Variants in ZWILCH observed in about 807,000 individuals in gnomAD.
The protein encoded by ZWILCH is zwilch kinetochore protein, also known as protein zwilch homolog.
A neutral mutation model predicts 79.9 loss-of-function variants in ZWILCH; 74 were observed. The observed-to-expected ratio is 0.93, with a 90% CI of 0.77 to 1.12. The LOEUF (loss-of-function observed/expected upper bound fraction) is 1.12, where lower values mean the gene tolerates loss of function less well. ZWILCH is among the 50% of genes most tolerant of loss of function. The pLI is 0.00. For missense variants in ZWILCH, 694 were observed against 687.5 expected, an observed-to-expected ratio of 1.01 and a Z score of -0.11; for synonymous variants, 241 against 228.2, an observed-to-expected ratio of 1.06 and a Z score of -0.51.
chr15:66,548,299 G>GTTT, intron 18 of ZWILCH, 52 bp from the exon 19 acceptor site: 1 of 350,464 alleles, frequency 2.9e-6, no homozygotes, highest in South Asian at 7.6e-5. Flanking sequence ...GATTACAAGT[G>GTTT]TTTTTTTTTT....
chr15:66,509,930 A>C (rs1893991985), intron 2 of ZWILCH, among the ~76,000 whole-genome samples: 1 of 145,238 alleles, frequency 6.9e-6, no homozygotes, highest in African/African-American at 2.5e-5. Flanking sequence ...TAATCGCAGC[A>C]CTTTGGGAGG....
rs371995606 is a variant in ZWILCH, at chr15:66,505,329, T to C, written c.-10T>C. The C allele has an allele frequency of 1.7e-5, 27 of 1,613,480 alleles. No individual in the cohort carries two copies. Among genetic ancestry groups the C allele is most frequent in the Middle Eastern group, 1.6e-4 (1 of 6,080 alleles). On this transcript the variant is annotated 5_prime_UTR_variant, in exon 1 of 19. Coordinates refer to ENST00000307897, the MANE Select transcript of ZWILCH (RefSeq NM_017975.5). ...TGGCGGTTCCGGTACCGCTCTCACA[T>C]TGGGGCGGGATGTGGGAGCGGCTGA...
intron 1 of ZWILCH, among the ~76,000 whole-genome samples, chr15:66,507,533 G>A (rs1195586539): frequency 6.6e-6 from 1 of 152,122 alleles, no homozygotes; most frequent in African/African-American, 2.4e-5. Context: ...TCAGGTTAAA[G>A]TTTAAGCCCT....
intron 8 of ZWILCH, among the ~76,000 whole-genome samples, chr15:66,525,017 A>G (rs2140774693): frequency 6.6e-6 from 1 of 151,994 alleles, no homozygotes; most frequent in East Asian, 1.9e-4. Flanking sequence ...ACTTCCACCA[A>G]ATTATTTCCC....
intron 3 of ZWILCH, among the ~76,000 whole-genome samples, chr15:66,514,871 A>G (rs1368040964): frequency 6.6e-6 from 1 of 152,208 alleles, no homozygotes; most frequent in East Asian, 1.9e-4. Flanking sequence ...CTGTTTTGAG[A>G]GTGAAAAATC....
Position 66,515,640 on chromosome 15 carries a change from G to A in ZWILCH, c.316G>A (p.Ala106Thr). 1.2e-6 allele frequency: 2 copies of A among 1,609,192 alleles called. No homozygotes were observed. Among genetic ancestry groups the A allele is most frequent in the South Asian group, 1.1e-5 (1 of 90,688 alleles). ...ACCACTTGCTTTACCAGTTGGGAAG[G>A]CAAGGTAGGTTTTCTCTTATGCTGA... is the stretch of plus-strand genomic sequence containing the variant. ...VGPLALPVGK[A>T]RQLIGLYTMA... Residue 106 changes from alanine to threonine, a missense_variant, in exon 4 of 19, where the codon GCA becomes ACA. By Grantham distance (58) the Ala-to-Thr change is moderately conservative. Transcript: ENST00000307897.
At chr15:66,541,017 C>T (rs554282448) in intron 17 of ZWILCH, among the ~76,000 whole-genome samples, 30 of 151,490 alleles carry the variant, frequency 2.0e-4, no homozygotes, top group African/African-American at 7.0e-4. Flanking sequence ...GTGGTTCGAG[C>T]CTGTAATCCC....
chr15:66,550,073 G>T lies in ZWILCH; in HGVS notation c.*1749G>T. The T allele has an allele frequency of 6.2e-7, 1 of 1,605,860 alleles. No individual in the cohort carries two copies. Reference sequence around the variant, plus strand: ...AAGCATCTGATTGTTGATAGAGCAAGTTTCCAAAGCTTTGAGGTACCAACT... The same window carrying T: ...AAGCATCTGATTGTTGATAGAGCAATTTTCCAAAGCTTTGAGGTACCAACT... On this transcript the variant is annotated 3_prime_UTR_variant, in exon 19 of 19. Coordinates refer to ENST00000307897, the MANE Select transcript of ZWILCH (RefSeq NM_017975.5).
intron 6 of ZWILCH, 35 bp downstream of exon 6, chr15:66,520,695 C>T (rs1289046718): frequency 7.2e-7 from 1 of 1,384,530 alleles, no homozygotes; most frequent in Middle Eastern, 1.8e-4. Context: ...TTATTTTCTT[C>T]AAATTGTTGT....
intron 11 of ZWILCH, among the ~76,000 whole-genome samples, 174 bp downstream of exon 11, chr15:66,529,131 C>G (rs1489410653): frequency 6.6e-6 from 1 of 152,104 alleles, no homozygotes; most frequent in Non-Finnish European, 1.5e-5. Flanking sequence ...TGTACTAAGA[C>G]AAAGTAATTT....
At chr15:66,510,394 A>G (rs1042093443) in intron 2 of ZWILCH, among the ~76,000 whole-genome samples, 189 of 149,522 alleles carry the variant, frequency 1.3e-3, no homozygotes, top group African/African-American at 4.3e-3. Flanking sequence ...CAAAAAAAAA[A>G]AAAAATATCA....
At chr15:66,510,677 T>C (rs1894025798) in intron 2 of ZWILCH, among the ~76,000 whole-genome samples, 1 of 152,220 alleles carries the variant, frequency 6.6e-6, no homozygotes, top group South Asian at 2.1e-4. Context: ...TTCTGGAGAC[T>C]AAAATTCTGA....
At chr15:66,528,248 T>C (rs1332821901) in intron 10 of ZWILCH, among the ~76,000 whole-genome samples, 2 of 152,132 alleles carry the variant, frequency 1.3e-5, no homozygotes, top group Non-Finnish European at 2.9e-5. Context: ...GGACTACTGG[T>C]GTGCACCACC....
In ZWILCH at chr15:66,520,641, A is replaced by G; in HGVS notation, c.572A>G (p.Lys191Arg). 1 of 1,556,564 alleles carries G rather than the reference A, an allele frequency of 6.4e-7. No homozygotes were observed. Among genetic ancestry groups the G allele is most frequent in the Non-Finnish European group, 8.8e-7 (1 of 1,132,792 alleles). ...GAAAACCTAAAAAATTTACACAAGA[A>G]AAGACATCACTTGTCTACTGTAAGT... is the stretch of plus-strand genomic sequence containing the variant. ...NLENLKNLHK[K>R]RHHLSTVTSK... Residue 191 changes from lysine (K) to arginine (R), a missense_variant, in exon 6 of 19, where the codon AAA becomes AGA. Transcript: ENST00000307897.
intron 15 of ZWILCH, 68 bp from the exon 16 acceptor site, chr15:66,537,100 A>G: frequency 8.0e-7 from 1 of 1,249,644 alleles, no homozygotes; most frequent in Non-Finnish European, 1.2e-6. Context: ...TACGAGCTTT[A>G]GACTACCAGA....
In ZWILCH at chr15:66,546,607, A is replaced by G. The variant is rs778240303; in HGVS notation, c.1704A>G (p.Thr568=). ...NFHKPDFSEL[T]LNGSLEERIF... Reference sequence around the variant, plus strand: ...TGATTACAGATTTTTCGGAATTAACACTAAACGGTAGCCTGGAAGAAAGGA... The same window carrying G: ...TGATTACAGATTTTTCGGAATTAACGCTAAACGGTAGCCTGGAAGAAAGGA... The change falls in exon 18 of 19, where the codon ACA becomes ACG. Residue 568 remains threonine, a synonymous_variant. Transcript: ENST00000307897. 1 of 1,607,352 alleles carries G rather than the reference A, an allele frequency of 6.2e-7. No individual in the cohort carries two copies. The highest frequency in any genetic ancestry group is 8.5e-7 in the Non-Finnish European group (1 of 1,177,396).
In ZWILCH at chr15:66,540,684, A is replaced by G. The variant is rs1457638305; in HGVS notation, c.1687+474A>G. On this transcript the variant is annotated intron_variant, in intron 17 of 18. Transcript: ENST00000307897. ...CCCCCTGTCGCCCAGGCTGGAGTGCAGTGGCACCATCTCAGCTCACTGCAG... is the reference window on the plus strand; with the variant it reads ...CCCCCTGTCGCCCAGGCTGGAGTGCGGTGGCACCATCTCAGCTCACTGCAG... Among the ~76,000 whole-genome samples the G allele has an allele frequency of 2.7e-5, 4 of 148,448 alleles. No individual in the cohort carries two copies. The South Asian group carries it at 6.5e-4, about 24-fold the overall frequency.
Position 66,514,036 on chromosome 15 carries a change from A to G in ZWILCH, c.154A>G (p.Lys52Glu). 1.2e-6 allele frequency: 2 copies of G among 1,612,620 alleles called. No homozygotes were observed. Among genetic ancestry groups the G allele is most frequent in the African/African-American group, 2.7e-5 (2 of 75,004 alleles). The stretch of plus-strand genomic sequence containing the variant: ...CAGCAAAGGCCAACCAAACCCTTTG[A>G]AAAATATTCTAAATGAAAATGACAT... The part of the protein sequence containing the change: ...LISKGQPNPL[K>E]NILNENDIVF... Residue 52 changes from lysine to glutamate, a missense_variant, in exon 3 of 19, where the codon AAA becomes GAA. Physicochemically the swap from Lys to Glu is moderately conservative, Grantham distance 56. Transcript: ENST00000307897.
rs1374145591 is a variant in ZWILCH, at chr15:66,520,674, T to C, written c.591+14T>C. 6.6e-7 allele frequency: 1 copy of C among 1,518,670 alleles called. No individual in the cohort carries two copies. The highest frequency in any genetic ancestry group is 9.0e-7 in the Non-Finnish European group (1 of 1,110,438). The allele number at this position is 1,518,670 out of a possible 1,614,324, so 94.1% of individuals were successfully genotyped here. A position where few individuals can be genotyped will look rare whatever the true frequency, so the allele number is the denominator to read the frequency against. On this transcript the variant is annotated intron_variant, in intron 6 of 18. Transcript: ENST00000307897. The stretch of plus-strand genomic sequence containing the variant: ...CACTTGTCTACTGTAAGTGTTTTGC[T>C]TCTACTCATATTATTTTCTTCAAAT...
Sources: allele counts gnomAD v4.1 joint callset (sites outside exome capture counted in the v4.1 genomes callset), GRCh38; gene constraint gnomAD v4.1.1; transcripts MANE v1.5; gene names NCBI Gene and HGNC (gene_info 2026-07-23, HGNC 2026-07-21).